Variants in SUGCT observed in about 807,000 individuals in gnomAD.
SUGCT encodes the protein succinyl-CoA:glutarate-CoA transferase.
A neutral mutation model predicts 55.0 loss-of-function variants in SUGCT; 41 were observed. The ratio of observed to expected loss-of-function variants is 0.74; its 90% confidence interval spans 0.58 to 0.97. The LOEUF (loss-of-function observed/expected upper bound fraction) is 0.97, where lower values mean the gene tolerates loss of function less well. Ranked by LOEUF, SUGCT falls within the 50% of genes least tolerant of loss-of-function variation. The probability of loss-of-function intolerance (pLI) is 0.00; values close to 1 mark genes in which losing one functional copy is unlikely to be tolerated. For synonymous variants in SUGCT, 187 were observed against 200.4 expected (o/e 0.93, Z 0.56); for missense variants, 568 against 547.8 (o/e 1.04, Z -0.37).
At chr7:40,328,546 A>AC (rs1408188884) in intron 9 of SUGCT, among the ~76,000 whole-genome samples, 1 of 152,132 alleles carries the variant, frequency 6.6e-6, no homozygotes, top group South Asian at 2.1e-4. Flanking sequence ...CTGGGTAGAA[A>AC]CCAAGTAGAC....
At chr7:40,157,722 G>C (rs560808449) in intron 1 of SUGCT, among the ~76,000 whole-genome samples, 25 of 152,090 alleles carry the variant, frequency 1.6e-4, no homozygotes, top group Admixed American at 1.6e-3. Flanking sequence ...TCATGTTAAA[G>C]GCTACTAATA....
intron 8 of SUGCT, among the ~76,000 whole-genome samples, chr7:40,314,455 A>G (rs1028990323): frequency 6.6e-6 from 1 of 152,232 alleles, no homozygotes; most frequent in African/African-American, 2.4e-5. Flanking sequence ...AATAAAAAGA[A>G]TAACAACATA....
At position 40,459,156 on chromosome 7, in the gene SUGCT, G is replaced by T; in HGVS notation, c.944G>T (p.Arg315Leu). ...TCCAAGTATAAAACTAACCACCTTCGGGTACACAATAGAAAAGAGCTTATT... is the reference window on the plus strand; with the variant it reads ...TCCAAGTATAAAACTAACCACCTTCTGGTACACAATAGAAAAGAGCTTATT... Reference protein sequence around the residue: ...DNSKYKTNHLRVHNRKELIKI... With the variant: ...DNSKYKTNHLLVHNRKELIKI... Residue 315 changes from arginine to leucine, a missense_variant, in exon 11 of 14, where the codon CGG becomes CTG. By Grantham distance (102) the Arg-to-Leu change is moderately radical. Coordinates refer to ENST00000335693, the MANE Select transcript of SUGCT (RefSeq NM_001193313.2). 1 of 1,611,328 alleles carries T rather than the reference G, an allele frequency of 6.2e-7. No individual in the cohort carries two copies. The highest frequency in any genetic ancestry group is 8.5e-7 in the Non-Finnish European group (1 of 1,178,340).
intron 12 of SUGCT, among the ~76,000 whole-genome samples, chr7:40,650,779 T>G (rs1800738802): frequency 6.6e-6 from 1 of 152,162 alleles, no homozygotes; most frequent in South Asian, 2.1e-4. Flanking sequence ...CAGGTAAATG[T>G]GTGCCATGGT....
intron 9 of SUGCT, among the ~76,000 whole-genome samples, chr7:40,336,821 G>C (rs763022925): frequency 2.6e-5 from 4 of 152,088 alleles, no homozygotes; most frequent in Non-Finnish European, 5.9e-5. Flanking sequence ...TGCTCCTCTA[G>C]TTCTTTTAAT....
intron 9 of SUGCT, among the ~76,000 whole-genome samples, chr7:40,439,860 T>C (rs142194845): frequency 2.0e-5 from 3 of 152,288 alleles, no homozygotes; most frequent in Non-Finnish European, 4.4e-5. Flanking sequence ...TTAACAGTTA[T>C]GGAGTCCGTG....
chr7:40,970,806 C>A, the SUGCT span, among the ~76,000 whole-genome samples: 1 of 151,956 alleles, frequency 6.6e-6, no homozygotes, highest in African/African-American at 2.4e-5. Flanking sequence ...TGCAAGAAAT[C>A]AAAAGAAATG....
At chr7:40,367,862 C>T (rs780546145) in intron 9 of SUGCT, among the ~76,000 whole-genome samples, 31 of 152,206 alleles carry the variant, frequency 2.0e-4, no homozygotes, top group Non-Finnish European at 2.8e-4. Context: ...CAGCCCTTAA[C>T]CTGGCCTTCC....
chr7:40,548,012 A>C (rs975579042), intron 12 of SUGCT, among the ~76,000 whole-genome samples: 1 of 152,000 alleles, frequency 6.6e-6, no homozygotes, highest in Non-Finnish European at 1.5e-5. Flanking sequence ...TCAACTCTTA[A>C]CTATTTTGTC....
At chr7:40,691,398 G>A (rs1216399531) in intron 12 of SUGCT, among the ~76,000 whole-genome samples, 4 of 151,298 alleles carry the variant, frequency 2.6e-5, no homozygotes, top group East Asian at 3.9e-4. Flanking sequence ...ATTTCTTACT[G>A]ATCATGAGCT....
At chr7:40,745,587 GT>G (rs1459741817) in intron 12 of SUGCT, among the ~76,000 whole-genome samples, 1 of 152,148 alleles carries the variant, frequency 6.6e-6, no homozygotes, top group African/African-American at 2.4e-5. Context: ...TGCTAAAGAG[GT>G]TGGCGCACTG....
chr7:40,369,340 A>G (rs1323702134), intron 9 of SUGCT, among the ~76,000 whole-genome samples: 1 of 152,172 alleles, frequency 6.6e-6, no homozygotes, highest in Non-Finnish European at 1.5e-5. Context: ...TTTTGTGGGA[A>G]GAAGATGACT....
chr7:40,395,269 G>A (rs1785660015), intron 9 of SUGCT, among the ~76,000 whole-genome samples: 1 of 151,800 alleles, frequency 6.6e-6, no homozygotes, highest in Non-Finnish European at 1.5e-5. Context: ...CAGGCGGATT[G>A]CCTGAGGTCA....
intron 7 of SUGCT, among the ~76,000 whole-genome samples, chr7:40,262,699 A>G (rs1791307535): frequency 6.6e-6 from 1 of 152,108 alleles, no homozygotes; most frequent in South Asian, 2.1e-4. Flanking sequence ...ATTAGGGCCT[A>G]TCATTTCTTG....
At chr7:40,793,410 A>C (rs996619178) in intron 13 of SUGCT, among the ~76,000 whole-genome samples, 1 of 152,180 alleles carries the variant, frequency 6.6e-6, no homozygotes, top group African/African-American at 2.4e-5. Context: ...AGGATATTAT[A>C]CAAGACTATT....
intron 12 of SUGCT, among the ~76,000 whole-genome samples, chr7:40,549,094 G>A (rs1795165132): frequency 1.3e-5 from 2 of 152,196 alleles, no homozygotes; most frequent in Non-Finnish European, 1.5e-5. Context: ...TGGAACACTT[G>A]TGAATGTATG....
At chr7:40,237,790 C>T (rs1336352237) in intron 7 of SUGCT, 64 bp downstream of exon 7, 1 of 1,320,330 alleles carries the variant, frequency 7.6e-7, no homozygotes, top group Non-Finnish European at 1.1e-6. Context: ...GGATTTTACT[C>T]TGCACTAACC....
chr7:40,209,681 A>G (rs1199280028), intron 6 of SUGCT, among the ~76,000 whole-genome samples: 1 of 152,072 alleles, frequency 6.6e-6, no homozygotes, highest in Non-Finnish European at 1.5e-5. Flanking sequence ...CTGTAATCTT[A>G]GCTATGTGGG....
intron 12 of SUGCT, among the ~76,000 whole-genome samples, chr7:40,643,324 C>A (rs1011361599): frequency 3.9e-5 from 6 of 152,142 alleles, no homozygotes; most frequent in Non-Finnish European, 8.8e-5. Flanking sequence ...GTACCTCCAC[C>A]ATTGATTCAG....
Sources: gnomAD v4.1 joint callset for allele counts (sites outside exome capture counted in the v4.1 genomes callset) on GRCh38, gnomAD v4.1.1 for gene constraint, MANE v1.5 for transcripts, NCBI Gene and HGNC (gene_info 2026-07-23, HGNC 2026-07-21) for gene names.